Variants in LARS2 observed in about 807,000 individuals in gnomAD.
LARS2 encodes the protein leucine--tRNA ligase, mitochondrial.
LARS2 carries 81 observed loss-of-function variants against 116.6 expected under a neutral mutation model. The observed-to-expected ratio is 0.69, with a 90% CI of 0.58 to 0.84. The LOEUF (loss-of-function observed/expected upper bound fraction) is 0.84, where lower values mean the gene tolerates loss of function less well. LARS2 is among the 40% of genes least tolerant of loss of function. LARS2 has a pLI of 0.00. For missense variants in LARS2, 968 were observed against 1,114.5 expected (o/e 0.87, Z 1.87); for synonymous variants, 396 against 407.2 (o/e 0.97, Z 0.33).
intron 4 of LARS2, among the ~76,000 whole-genome samples, chr3:45,404,871 G>A (rs1698207718): frequency 6.6e-6 from 1 of 152,148 alleles, no homozygotes. Context: ...ACAGGTGTGA[G>A]CCACTGTGTC....
chr3:45,388,768 C>G (rs191270808), intron 1 of LARS2, 88 bp downstream of exon 1: 27 of 152,452 alleles, frequency 1.8e-4, no homozygotes, highest in African/African-American at 6.5e-4. Flanking sequence ...TTGCTGAGGG[C>G]AGGAAGGGAA....
intron 13 of LARS2, among the ~76,000 whole-genome samples, chr3:45,494,227 C>T (rs964812073): frequency 1.3e-5 from 2 of 152,172 alleles, no homozygotes; most frequent in African/African-American, 4.8e-5. Context: ...CTCTGCTCAG[C>T]CACTGCATTT....
intron 21 of LARS2, among the ~76,000 whole-genome samples, chr3:45,542,892 G>C (rs1700819011): frequency 6.6e-6 from 1 of 152,244 alleles, no homozygotes; most frequent in Non-Finnish European, 1.5e-5. Context: ...AGAATAAAAA[G>C]GAAAGAGTAA....
At chr3:45,395,350 G>A (rs1698027634) in intron 3 of LARS2, among the ~76,000 whole-genome samples, 1 of 152,212 alleles carries the variant, frequency 6.6e-6, no homozygotes, top group Non-Finnish European at 1.5e-5. Context: ...CACCAGCTCG[G>A]CACTCTACCT....
intron 14 of LARS2, among the ~76,000 whole-genome samples, chr3:45,497,127 T>G (rs1166623635): frequency 6.6e-6 from 1 of 150,522 alleles, no homozygotes; most frequent in African/African-American, 2.5e-5. Flanking sequence ...ATAAACATGT[T>G]TTTTTTTTTC....
Position 45,491,609 on chromosome 3 carries a change from GAAAGAC to G in LARS2, c.1333_1338del (p.Lys445_Asp446del). Reference sequence around the variant, plus strand: ...GTGGAGACGTGACAAGTGATAAACTGAAAGACTGGCTGATTTCACGGCAGCGGTACT... The same window carrying G: ...GTGGAGACGTGACAAGTGATAAACTGTGGCTGATTTCACGGCAGCGGTACT... On this transcript the variant is annotated inframe_deletion, in exon 13 of 22. Transcript: ENST00000645846. The G allele has an allele frequency of 6.2e-7, 1 of 1,614,198 alleles. No homozygotes were observed. The highest frequency in any genetic ancestry group is 8.5e-7 in the Non-Finnish European group (1 of 1,180,032).
intron 3 of LARS2, among the ~76,000 whole-genome samples, chr3:45,397,050 C>CT (rs1009427484): frequency 1.1e-4 from 16 of 152,204 alleles, no homozygotes; most frequent in African/African-American, 3.6e-4. Flanking sequence ...AGAGCGTGAT[C>CT]TATAAAGAGG....
chr3:45,444,775 T>C (rs1230131606), intron 6 of LARS2, among the ~76,000 whole-genome samples: 1 of 150,684 alleles, frequency 6.6e-6, no homozygotes, highest in Non-Finnish European at 1.5e-5. Flanking sequence ...TTGTATATTT[T>C]ATATATGTGT....
chr3:45,499,400 C>A (rs1260312685), intron 14 of LARS2, among the ~76,000 whole-genome samples: 1 of 152,110 alleles, frequency 6.6e-6, no homozygotes, highest in African/African-American at 2.4e-5. Context: ...CGAGATCACG[C>A]CCCTGCAACC....
intron 8 of LARS2, among the ~76,000 whole-genome samples, chr3:45,468,282 G>T (rs1451593553): frequency 1.3e-5 from 2 of 152,104 alleles, no homozygotes; most frequent in African/African-American, 4.8e-5. Context: ...TGAGTAGAAT[G>T]TCCCCTGGGA....
chr3:45,444,581 G>A lies in LARS2; in HGVS notation c.517-2310G>A, dbSNP rs372859580. On this transcript the variant is annotated intron_variant, in intron 6 of 21. Coordinates refer to ENST00000645846, the MANE Select transcript of LARS2 (RefSeq NM_015340.4). The stretch of plus-strand genomic sequence containing the variant: ...TGGTAGGCTGAGGCAGGAGAATGGC[G>A]TGAACCCGGGAGGCGGAGCTTGCAG... 3.6e-5 allele frequency among the ~76,000 whole-genome samples: 5 copies of A among 138,662 alleles called. No individual in the cohort carries two copies. The East Asian group carries it at 1.1e-3, about 30-fold the overall frequency. 91.0% of individuals were successfully genotyped at this position (138,662 alleles called of 152,430 possible). A position where few individuals can be genotyped will look rare whatever the true frequency, so the allele number is the denominator to read the frequency against.
At chr3:45,460,621 T>C (rs908752635) in intron 8 of LARS2, among the ~76,000 whole-genome samples, 4 of 152,218 alleles carry the variant, frequency 2.6e-5, no homozygotes, top group African/African-American at 9.6e-5. Flanking sequence ...TCTTTTGAAG[T>C]CAGCACTTGG....
At chr3:45,400,429 G>A in intron 4 of LARS2, 56 bp downstream of exon 4, 1 of 1,525,038 alleles carries the variant, frequency 6.6e-7, no homozygotes, top group Non-Finnish European at 8.8e-7. Flanking sequence ...GGGTTGGCAT[G>A]TAGTAATATG....
At chr3:45,413,853 C>A (rs948043417) in intron 4 of LARS2, among the ~76,000 whole-genome samples, 5 of 152,168 alleles carry the variant, frequency 3.3e-5, no homozygotes, top group African/African-American at 1.2e-4. Flanking sequence ...TTGCAAGATG[C>A]ACCTAGGTTG....
chr3:45,392,181 A>G (rs561880404), intron 2 of LARS2, among the ~76,000 whole-genome samples: 1 of 152,328 alleles, frequency 6.6e-6, no homozygotes, highest in Admixed American at 6.5e-5. Flanking sequence ...GCGTATGTAT[A>G]TTAGGTCAGT....
chr3:45,484,052 A>AAG (rs1195966146), intron 10 of LARS2: 7 of 151,374 alleles, frequency 4.6e-5, no homozygotes, highest in Admixed American at 2.0e-4. Context: ...TTAAAAAAAA[A>AAG]AAAAATTAGC....
At chr3:45,473,645 A>G (rs1314072459) in intron 8 of LARS2, among the ~76,000 whole-genome samples, 3 of 149,944 alleles carry the variant, frequency 2.0e-5, no homozygotes, top group Non-Finnish European at 4.4e-5. Flanking sequence ...CAGCCTGCCA[A>G]AGTGCTGATA....
chr3:45,452,661 T>G (rs1699152858), intron 7 of LARS2, among the ~76,000 whole-genome samples: 1 of 152,148 alleles, frequency 6.6e-6, no homozygotes. Context: ...TTTTGTTATG[T>G]CTTTGTCTGG....
At chr3:45,544,288 G>C (rs988771585) in intron 21 of LARS2, among the ~76,000 whole-genome samples, 2 of 152,240 alleles carry the variant, frequency 1.3e-5, no homozygotes, top group African/African-American at 4.8e-5. Flanking sequence ...GTCACACACA[G>C]TTTATGTAAG....
Sources: gnomAD v4.1 joint callset for allele counts (sites outside exome capture counted in the v4.1 genomes callset) on GRCh38, gnomAD v4.1.1 for gene constraint, MANE v1.5 for transcripts, NCBI Gene and HGNC (gene_info 2026-07-23, HGNC 2026-07-21) for gene names.